Variants in TTC6 observed in about 807,000 individuals in gnomAD.
TTC6 encodes the protein tetratricopeptide repeat domain 6.
Under a neutral mutation model 210.4 loss-of-function variants are expected in TTC6, and 172 were observed. The observed-to-expected ratio is 0.82, with a 90% CI of 0.72 to 0.93. The LOEUF is 0.93. Among genes scored for constraint, TTC6 ranks in the 40% least tolerant of loss-of-function variants. The pLI, the probability that TTC6 is intolerant of heterozygous loss-of-function variation, is 0.00. For missense variants in TTC6, 2,414 were observed against 2,318.1 expected (o/e 1.04, Z -0.85); for synonymous variants, 804 against 819.6 (o/e 0.98, Z 0.32).
At chr14:37,676,523 A>G (rs1279767635) in intron 1 of TTC6, among the ~76,000 whole-genome samples, 10 of 152,162 alleles carry the variant, frequency 6.6e-5, no homozygotes, top group Admixed American at 6.6e-4. Context: ...TTGCATTTTT[A>G]CTTTCTTCAT....
At chr14:37,725,310 GTGTATA>G (rs56829298) in intron 7 of TTC6, among the ~76,000 whole-genome samples, 1,448 of 55,300 alleles carry the variant, frequency 0.026, 24 homozygotes, top group African/African-American at 0.078. Context: ...GTGTGTGTGT[GTGTATA>G]TATATATATA....
At chr14:37,761,673 C>T (rs2095984996) in intron 14 of TTC6, among the ~76,000 whole-genome samples, 1 of 151,938 alleles carries the variant, frequency 6.6e-6, no homozygotes, top group South Asian at 2.1e-4. Context: ...TTTATAGTTG[C>T]CTCAAATAAG....
At chr14:37,769,049 A>C (rs1003817861) in intron 14 of TTC6, among the ~76,000 whole-genome samples, 3 of 152,044 alleles carry the variant, frequency 2.0e-5, no homozygotes, top group African/African-American at 7.2e-5. Context: ...TTCTGCATCT[A>C]TTGAGATAAT....
chr14:37,839,963 T>C (rs2096206305), intron 29 of TTC6, among the ~76,000 whole-genome samples: 1 of 152,200 alleles, frequency 6.6e-6, no homozygotes, highest in South Asian at 2.1e-4. Flanking sequence ...ATTGTACATG[T>C]GTGGTGTTAT....
chr14:37,635,961 CAA>C (rs1321435999), intron 1 of TTC6, among the ~76,000 whole-genome samples: 8 of 61,132 alleles, frequency 1.3e-4, no homozygotes, highest in Non-Finnish European at 1.2e-4. Context: ...CCCCTGGCAA[CAA>C]GAGCAAAATT....
At chr14:37,655,763 T>C (rs113239662) in intron 1 of TTC6, among the ~76,000 whole-genome samples, 1 of 152,194 alleles carries the variant, frequency 6.6e-6, no homozygotes, top group Non-Finnish European at 1.5e-5. Context: ...CTACCCAGTA[T>C]TTCATTCATG....
chr14:37,736,086 C>A, intron 8 of TTC6, 76 bp downstream of exon 10: 1 of 815,212 alleles, frequency 1.2e-6, no homozygotes, highest in South Asian at 1.7e-5. Context: ...TATGGTAATT[C>A]CAGAAATTAT....
chr14:37,832,562 T>G (rs563240803), intron 29 of TTC6, among the ~76,000 whole-genome samples: 21 of 152,238 alleles, frequency 1.4e-4, no homozygotes, highest in African/African-American at 5.1e-4. Flanking sequence ...CTGAATTTCT[T>G]TATTGACCCA....
In TTC6 at chr14:37,834,509, A is replaced by T. The variant is rs376952465; in HGVS notation, c.5299-6936A>T. Among the ~76,000 whole-genome samples, 27 of 152,242 alleles carry T rather than the reference A, an allele frequency of 1.8e-4. No homozygotes were observed. In the South Asian group the frequency reaches 5.6e-3, roughly 32 times the overall value. On this transcript the variant is annotated intron_variant, in intron 29 of 30. Coordinates refer to ENST00000553443, the Ensembl canonical transcript of TTC6. ...TTTTATTGCATTCATTGAATTCTTCAGTTCCAGGATTTCTCTTTGATTAAT... is the reference window on the plus strand; with the variant it reads ...TTTTATTGCATTCATTGAATTCTTCTGTTCCAGGATTTCTCTTTGATTAAT...
intron 4 of TTC6, among the ~76,000 whole-genome samples, chr14:37,698,416 C>G (rs752005301): frequency 6.6e-6 from 1 of 152,146 alleles, no homozygotes; most frequent in African/African-American, 2.4e-5. Context: ...AATGTAATCT[C>G]AAACACATTC....
At position 37,615,011 on chromosome 14, in the gene TTC6, T is replaced by C. The variant is rs188123022; in HGVS notation, c.-154-7039T>C. ...ATCTGCCTGCCTGGGCCTCCCAAAG[T>C]GCTGGGATTACAGGCATGAGCCACT... On this transcript the variant is annotated intron_variant, in intron 2 of 2. Transcript: ENST00000556845. Among the ~76,000 whole-genome samples, 857 of 152,268 alleles carry C rather than the reference T, an allele frequency of 5.6e-3. 8 individuals carry two copies. Among genetic ancestry groups the C allele is most frequent in the Non-Finnish European group, 0.01 (694 of 68,022 alleles).
intron 3 of TTC6, among the ~76,000 whole-genome samples, chr14:37,687,179 G>C (rs1043915058): frequency 6.6e-6 from 1 of 152,118 alleles, no homozygotes; most frequent in African/African-American, 2.4e-5. Context: ...TGGGGAGAGG[G>C]AGAGCCAGCA....
intron 1 of TTC6, among the ~76,000 whole-genome samples, chr14:37,652,950 A>G (rs1254641281): frequency 6.6e-6 from 1 of 152,226 alleles, no homozygotes; most frequent in Admixed American, 6.5e-5. Flanking sequence ...TCATGATTGC[A>G]AGGTTTATTT....
chr14:37,759,934 T>C (rs2095979023), intron 14 of TTC6, among the ~76,000 whole-genome samples: 1 of 152,214 alleles, frequency 6.6e-6, no homozygotes, highest in South Asian at 2.1e-4. Flanking sequence ...CTTCCTTGCA[T>C]TGGGTTAGAA....
At chr14:37,710,793 G>T (rs1296469851) in intron 5 of TTC6, among the ~76,000 whole-genome samples, 4 of 152,118 alleles carry the variant, frequency 2.6e-5, no homozygotes, top group Non-Finnish European at 5.9e-5. Flanking sequence ...AGTCATCTGG[G>T]TTGTTTCATA....
chr14:37,621,967 C>A, upstream of TTC6: 1 of 904,608 alleles, frequency 1.1e-6, no homozygotes, highest in Non-Finnish European at 1.6e-6. Context: ...CTTTGCTGAG[C>A]TGAAATTTTA....
intron 3 of TTC6, among the ~76,000 whole-genome samples, chr14:37,688,607 AAGAG>A (rs1203832579): frequency 6.6e-6 from 1 of 151,404 alleles, no homozygotes; most frequent in Non-Finnish European, 1.5e-5. Flanking sequence ...GAGAGAGAGA[AAGAG>A]AGAGAGACTT....
At chr14:37,748,819 A>G (rs2095943478) in intron 10 of TTC6, 120 bp from the exon 13 acceptor site, 8 of 717,994 alleles carry the variant, frequency 1.1e-5, no homozygotes, top group Non-Finnish European at 1.7e-5. Flanking sequence ...TGCGCATAAA[A>G]TTAGCATGTA....
chr14:37,738,408 T>G (rs940440925), intron 9 of TTC6, among the ~76,000 whole-genome samples: 4 of 122,150 alleles, frequency 3.3e-5, no homozygotes, highest in African/African-American at 1.1e-4. Context: ...TTTAACAGCT[T>G]TTGCCCCTTC....
Sources: allele counts gnomAD v4.1 joint callset (sites outside exome capture counted in the v4.1 genomes callset), GRCh38; gene constraint gnomAD v4.1.1; transcripts MANE v1.5; gene names NCBI Gene and HGNC (gene_info 2026-07-23, HGNC 2026-07-21).